FCHSD2: variants seen among roughly 807,000 people sequenced by gnomAD.
FCHSD2 encodes the protein F-BAR and double SH3 domains protein 2.
A neutral mutation model predicts 108.1 loss-of-function variants in FCHSD2; 38 were observed. The ratio of observed to expected loss-of-function variants is 0.35; its 90% confidence interval spans 0.27 to 0.46. The LOEUF is 0.46. Ranked by LOEUF, FCHSD2 falls within the 20% of genes least tolerant of loss-of-function variation. The probability of loss-of-function intolerance (pLI) is 1.00; values close to 1 mark genes in which losing one functional copy is unlikely to be tolerated. For missense variants in FCHSD2, 751 were observed against 897.8 expected (o/e 0.84, Z 2.09); for synonymous variants, 279 against 314.7 (o/e 0.89, Z 1.20).
chr11:72,967,381 TA>T (rs1328397296), intron 8 of FCHSD2, among the ~76,000 whole-genome samples: 1 of 151,452 alleles, frequency 6.6e-6, no homozygotes, highest in Admixed American at 6.6e-5. Flanking sequence ...TTTGAATGGG[TA>T]AACAAAATAT....
chr11:73,026,370 G>C lies in FCHSD2; in HGVS notation c.166-10485C>G, dbSNP rs571033774. ...TAAATGAATAATTACAGTTGCTCTTGCCACTGGGAGCAAAATGACTGACTG... is the reference window on the plus strand; with the variant it reads ...TAAATGAATAATTACAGTTGCTCTTCCCACTGGGAGCAAAATGACTGACTG... On this transcript the variant is annotated intron_variant, in intron 3 of 19. Transcript: ENST00000409418. Among the ~76,000 whole-genome samples, 4 of 152,140 alleles carry C rather than the reference G, an allele frequency of 2.6e-5. No homozygotes were observed. The East Asian group carries it at 7.7e-4, about 29-fold the overall frequency.
At chr11:73,036,472 C>G (rs748707251) in intron 3 of FCHSD2, among the ~76,000 whole-genome samples, 49 of 152,098 alleles carry the variant, frequency 3.2e-4, no homozygotes, top group Non-Finnish European at 6.3e-4. Context: ...TCATTAGTCA[C>G]TTTGAGCTTT....
intron 8 of FCHSD2, among the ~76,000 whole-genome samples, chr11:72,946,008 A>T (rs1434563083): frequency 1.3e-5 from 2 of 152,196 alleles, no homozygotes; most frequent in African/African-American, 4.8e-5. Context: ...GGGATCTAGA[A>T]CTAGAAATAC....
At chr11:72,883,383 G>T (rs752406318) in intron 12 of FCHSD2, among the ~76,000 whole-genome samples, 22 of 152,078 alleles carry the variant, frequency 1.4e-4, no homozygotes, top group Non-Finnish European at 3.1e-4. Flanking sequence ...AAAGACTGGA[G>T]AAAATATTTG....
intron 8 of FCHSD2, chr11:72,983,799 T>C (rs1857260888): frequency 2.0e-6 from 1 of 504,978 alleles, no homozygotes; most frequent in Non-Finnish European, 3.8e-6. Context: ...ATTTCTTACA[T>C]CACTCTTGTA....
At chr11:72,996,547 G>A (rs1857522043) in intron 5 of FCHSD2, among the ~76,000 whole-genome samples, 1 of 152,114 alleles carries the variant, frequency 6.6e-6, no homozygotes, top group African/African-American at 2.4e-5. Flanking sequence ...TTTGAAAAAT[G>A]TAATAATTCT....
intron 10 of FCHSD2, among the ~76,000 whole-genome samples, chr11:72,900,912 T>C (rs928385741): frequency 3.3e-5 from 5 of 152,250 alleles, no homozygotes; most frequent in Non-Finnish European, 7.3e-5. Context: ...TATAATTTGA[T>C]TTTCCTTTTG....
chr11:72,911,742 T>C (rs1000321419), intron 9 of FCHSD2, among the ~76,000 whole-genome samples: 8 of 152,194 alleles, frequency 5.3e-5, no homozygotes, highest in Non-Finnish European at 1.0e-4. Context: ...TAGTTACATA[T>C]GTTCGCTTTT....
intron 18 of FCHSD2, 112 bp downstream of exon 18, chr11:72,841,340 CAA>C (rs59748827): frequency 0.097 from 34,784 of 358,888 alleles, 10 homozygotes; most frequent in South Asian, 0.11. Flanking sequence ...ACTCTGTCTC[CAA>C]AAAAAAAAAA....
intron 3 of FCHSD2, among the ~76,000 whole-genome samples, chr11:73,018,373 C>T (rs758055898): frequency 2.6e-5 from 4 of 152,150 alleles, no homozygotes; most frequent in Non-Finnish European, 4.4e-5. Flanking sequence ...TTCTAAAACG[C>T]CTTTTCTAAT....
chr11:73,077,032 C>T (rs1438273820), intron 3 of FCHSD2, among the ~76,000 whole-genome samples: 1 of 150,426 alleles, frequency 6.6e-6, no homozygotes, highest in Non-Finnish European at 1.5e-5. Flanking sequence ...ATGGCATGAA[C>T]CCGGGAGGCG....
chr11:73,023,351 AT>A (rs1858152702), intron 3 of FCHSD2, among the ~76,000 whole-genome samples: 1 of 152,210 alleles, frequency 6.6e-6, no homozygotes, highest in African/African-American at 2.4e-5. Context: ...TAAGAAAAAA[AT>A]CAACACATTT....
chr11:73,007,472 A>G (rs1428837037), intron 4 of FCHSD2, among the ~76,000 whole-genome samples: 6 of 152,098 alleles, frequency 3.9e-5, no homozygotes, highest in Non-Finnish European at 8.8e-5. Context: ...AAAATTTTAA[A>G]ATTAGCCAAG....
intron 3 of FCHSD2, among the ~76,000 whole-genome samples, chr11:73,076,432 G>A (rs985346423): frequency 6.6e-6 from 1 of 152,156 alleles, no homozygotes. Context: ...AGCGAAAGAA[G>A]ACAGACAAGA....
chr11:73,088,155 G>A (rs941590885), intron 2 of FCHSD2, among the ~76,000 whole-genome samples: 2 of 152,156 alleles, frequency 1.3e-5, no homozygotes, highest in Non-Finnish European at 2.9e-5. Flanking sequence ...ACAGACATGA[G>A]CCACACTGCC....
At chr11:72,990,927 T>G (rs1452208223) in intron 5 of FCHSD2, among the ~76,000 whole-genome samples, 5 of 151,952 alleles carry the variant, frequency 3.3e-5, no homozygotes, top group Admixed American at 1.3e-4. Flanking sequence ...CAGGAGCTGG[T>G]TTTTTTGAAA....
intron 8 of FCHSD2, 51 bp downstream of exon 8, chr11:72,984,037 G>GT: frequency 6.7e-7 from 1 of 1,494,734 alleles, no homozygotes; most frequent in Non-Finnish European, 9.2e-7. Flanking sequence ...AACTTAAGTT[G>GT]TTTTTGTTTT....
At position 73,023,468 on chromosome 11, in the gene FCHSD2, C is replaced by A. The variant is rs72982860; in HGVS notation, c.166-7583G>T. ...AGCATCACTTGTCATTACGGAAATG[C>A]AAACTAAAATAATGTGGTACCACTA... On this transcript the variant is annotated intron_variant, in intron 3 of 19. Coordinates refer to ENST00000409418, the MANE Select transcript of FCHSD2 (RefSeq NM_014824.3). 7.7e-3 allele frequency among the ~76,000 whole-genome samples: 1,176 copies of A among 152,214 alleles called. 11 individuals carry two copies. The highest frequency in any genetic ancestry group is 0.027 in the African/African-American group (1,115 of 41,558).
At chr11:73,139,057 A>G (rs779565790) in intron 2 of FCHSD2, among the ~76,000 whole-genome samples, 4 of 152,254 alleles carry the variant, frequency 2.6e-5, no homozygotes, top group Non-Finnish European at 4.4e-5. Context: ...TGCCTTAGTC[A>G]TAAACCCTGA....
Sources: allele counts gnomAD v4.1 joint callset (sites outside exome capture counted in the v4.1 genomes callset), GRCh38; gene constraint gnomAD v4.1.1; transcripts MANE v1.5; gene names NCBI Gene and HGNC (gene_info 2026-07-23, HGNC 2026-07-21).